Variants in FREM3 observed in about 807,000 individuals in gnomAD.
FREM3 encodes FRAS1 related extracellular matrix 3.
FREM3 carries 105 observed loss-of-function variants against 129.1 expected under a neutral mutation model. The ratio of observed to expected loss-of-function variants is 0.81; its 90% CI spans 0.69 to 0.96. FREM3 has a LOEUF of 0.96. FREM3 is among the 40% of genes least tolerant of loss of function. FREM3 has a pLI of 0.00. For missense variants in FREM3, 2,593 were observed against 2,666.3 expected (o/e 0.97, Z 0.61); for synonymous variants, 1,014 against 1,044.9 (o/e 0.97, Z 0.57).
intron 2 of FREM3, among the ~76,000 whole-genome samples, chr4:143,658,232 C>T (rs1221619171): frequency 2.0e-5 from 3 of 152,160 alleles, no homozygotes; most frequent in African/African-American, 7.2e-5. Context: ...GGAGACGTGG[C>T]CTTTGGGAGG....
intron 2 of FREM3, among the ~76,000 whole-genome samples, chr4:143,677,947 G>T (rs542201926): frequency 6.6e-6 from 1 of 152,304 alleles, no homozygotes; most frequent in South Asian, 2.1e-4. Context: ...TGGTGGGACT[G>T]TAAACTAGTT....
In FREM3 at chr4:143,696,513, A is replaced by T; in HGVS notation, c.4163T>A (p.Ile1388Asn). The T allele has an allele frequency of 6.5e-7, 1 of 1,537,522 alleles. No individual in the cohort carries two copies. The highest frequency in any genetic ancestry group is 8.7e-7 in the Non-Finnish European group (1 of 1,146,960). Reference protein sequence around the residue: ...DEINRGLICYIHTGQEGIVDI... With the variant: ...DEINRGLICYNHTGQEGIVDI... ...AACAATCCCTTCTTGGCCTGTGTGG[A>T]TATAGCAGATGAGGCCTCTGTTAAT... The change falls in exon 1 of 8, where the codon ATC becomes AAC. Residue 1388 changes from isoleucine (I) to asparagine (N), a missense_variant. By Grantham distance (149) the Ile-to-Asn change is moderately radical. Coordinates refer to ENST00000329798, the MANE Select transcript of FREM3 (RefSeq NM_001168235.2).
chr4:143,610,651 C>A (rs958820799), intron 6 of FREM3, among the ~76,000 whole-genome samples: 2 of 152,130 alleles, frequency 1.3e-5, no homozygotes, highest in South Asian at 2.1e-4. Context: ...GTCTTTATTA[C>A]CATTTTCTGT....
chr4:143,595,600 G>T (rs1400477762), intron 6 of FREM3, among the ~76,000 whole-genome samples: 3 of 152,126 alleles, frequency 2.0e-5, no homozygotes, highest in Non-Finnish European at 4.4e-5. Context: ...TATAGCAAAA[G>T]AAGGGAGCCG....
intron 5 of FREM3, among the ~76,000 whole-genome samples, chr4:143,619,120 G>C (rs1175562305): frequency 1.3e-5 from 2 of 152,180 alleles, no homozygotes; most frequent in Non-Finnish European, 2.9e-5. Context: ...GGGCCTGCTT[G>C]AGTGCCCAAA....
chr4:143,668,526 T>A (rs922177926), intron 2 of FREM3, among the ~76,000 whole-genome samples: 1 of 152,236 alleles, frequency 6.6e-6, no homozygotes, highest in Non-Finnish European at 1.5e-5. Flanking sequence ...AGCGCATCCC[T>A]CACCCTTAAT....
intron 6 of FREM3, among the ~76,000 whole-genome samples, chr4:143,597,062 C>T (rs932636805): frequency 2.6e-5 from 4 of 152,032 alleles, no homozygotes; most frequent in African/African-American, 4.8e-5. Flanking sequence ...AGGATCATAG[C>T]GGGGAGCATC....
At chr4:143,663,151 G>C (rs550312559) in intron 2 of FREM3, among the ~76,000 whole-genome samples, 53 of 152,158 alleles carry the variant, frequency 3.5e-4, no homozygotes, top group African/African-American at 1.2e-3. Flanking sequence ...TATTTTGCTC[G>C]TTAGTTGATG....
In FREM3 at chr4:143,700,247, C is replaced by A. The variant is rs1377654020; in HGVS notation, c.429G>T (p.Leu143=). The change falls in exon 1 of 8, where the codon CTG becomes CTT. Residue 143 remains leucine (L), a synonymous_variant. Coordinates refer to ENST00000329798, the MANE Select transcript of FREM3 (RefSeq NM_001168235.2). ...GAGTGTGAGTCGGGGCGTCGTAGCG[C>A]AGCTGCAGCAGCACCCGGGCGCGTC... ...SPGRARVLLQ[L]RYDAPTHTLV... The A allele has an allele frequency of 1.3e-6, 2 of 1,536,612 alleles. No homozygotes were observed. Among genetic ancestry groups the A allele is most frequent in the African/African-American group, 1.4e-5 (1 of 73,048 alleles).
intron 2 of FREM3, among the ~76,000 whole-genome samples, chr4:143,667,657 A>C (rs72940251): frequency 0.052 from 7,903 of 152,294 alleles, 481 homozygotes; most frequent in East Asian, 0.19. Flanking sequence ...GAGTAACTCA[A>C]CTGGCTCTCC....
intron 2 of FREM3, 69 bp downstream of exon 2, chr4:143,693,044 A>T (rs980090568): frequency 6.5e-6 from 5 of 766,176 alleles, no homozygotes; most frequent in Non-Finnish European, 1.0e-5. Context: ...AAATGATTTA[A>T]TTTTTTTTCC....
chr4:143,608,376 C>T (rs1327938988), intron 6 of FREM3, among the ~76,000 whole-genome samples: 1 of 152,144 alleles, frequency 6.6e-6, no homozygotes, highest in Non-Finnish European at 1.5e-5. Flanking sequence ...TCTGAGCATA[C>T]CAACAAAGTC....
At chr4:143,606,047 C>T (rs1578831775) in intron 6 of FREM3, among the ~76,000 whole-genome samples, 1 of 152,028 alleles carries the variant, frequency 6.6e-6, no homozygotes, top group African/African-American at 2.4e-5. Flanking sequence ...GTTTTTTGTT[C>T]ACTTATTAAG....
intron 2 of FREM3, among the ~76,000 whole-genome samples, chr4:143,691,732 A>G (rs1455165820): frequency 6.6e-6 from 1 of 152,228 alleles, no homozygotes; most frequent in Admixed American, 6.5e-5. Context: ...AAGTTAAAAC[A>G]TGGTAGCTAC....
intron 2 of FREM3, among the ~76,000 whole-genome samples, chr4:143,660,640 T>C (rs1192154894): frequency 6.6e-6 from 1 of 152,184 alleles, no homozygotes; most frequent in Non-Finnish European, 1.5e-5. Flanking sequence ...GGTAGCTTGA[T>C]GGGCATGGCA....
intron 2 of FREM3, among the ~76,000 whole-genome samples, chr4:143,641,283 G>A (rs1212621862): frequency 1.3e-5 from 2 of 151,832 alleles, no homozygotes; most frequent in African/African-American, 4.8e-5. Flanking sequence ...ATGAGGAAAA[G>A]GGAAGCCACC....
chr4:143,598,809 G>T (rs1414522700), intron 6 of FREM3, among the ~76,000 whole-genome samples: 1 of 152,116 alleles, frequency 6.6e-6, no homozygotes, highest in Non-Finnish European at 1.5e-5. Flanking sequence ...ACAGTATTCA[G>T]TACAGTAACA....
chr4:143,602,624 A>G (rs990977148), intron 6 of FREM3, among the ~76,000 whole-genome samples: 1 of 149,814 alleles, frequency 6.7e-6, no homozygotes, highest in African/African-American at 2.5e-5. Flanking sequence ...ATTCTGTCAG[A>G]GTTAAATATC....
chr4:143,655,040 C>T (rs1220896287), intron 2 of FREM3, among the ~76,000 whole-genome samples: 1 of 152,092 alleles, frequency 6.6e-6, no homozygotes, highest in African/African-American at 2.4e-5. Flanking sequence ...CCAGGAGGCC[C>T]AGGCAGGTAA....
Sources: allele counts gnomAD v4.1 joint callset (sites outside exome capture counted in the v4.1 genomes callset), GRCh38; gene constraint gnomAD v4.1.1; transcripts MANE v1.5; gene names NCBI Gene and HGNC (gene_info 2026-07-23, HGNC 2026-07-21).